Variants in CNTNAP5 observed in about 807,000 individuals in gnomAD.
CNTNAP5 encodes contactin-associated protein-like 5.
Under a neutral mutation model 150.2 loss-of-function variants are expected in CNTNAP5, and 72 were observed. The ratio of observed to expected loss-of-function variants is 0.48; its 90% CI spans 0.40 to 0.58. CNTNAP5 has a LOEUF of 0.58. Among genes scored for constraint, CNTNAP5 ranks in the 20% least tolerant of loss-of-function variants. The pLI is 0.00. For synonymous variants in CNTNAP5, 672 were observed against 619.8 expected, an observed-to-expected ratio of 1.08 and a Z score of -1.25; for missense variants, 1,636 against 1,626.2, an observed-to-expected ratio of 1.01 and a Z score of -0.10.
intron 3 of CNTNAP5, among the ~76,000 whole-genome samples, chr2:124,388,968 C>T (rs1415072900): frequency 6.6e-6 from 1 of 152,190 alleles, no homozygotes. Flanking sequence ...AAAGACTTAA[C>T]AGGGTTCATT....
At chr2:124,909,345 G>A (rs1678606215) in intron 22 of CNTNAP5, among the ~76,000 whole-genome samples, 1 of 152,132 alleles carries the variant, frequency 6.6e-6, no homozygotes, top group Non-Finnish European at 1.5e-5. Context: ...TGTAGCCTGG[G>A]GGCAATAGTC....
chr2:124,048,935 T>C (rs1442763670), intron 1 of CNTNAP5, among the ~76,000 whole-genome samples: 1 of 152,230 alleles, frequency 6.6e-6, no homozygotes, highest in East Asian at 1.9e-4. Flanking sequence ...TTAGGTTACA[T>C]CAAATGCAAG....
chr2:124,138,665 A>T (rs1684032463), intron 1 of CNTNAP5, among the ~76,000 whole-genome samples: 1 of 152,184 alleles, frequency 6.6e-6, no homozygotes, highest in Admixed American at 6.5e-5. Context: ...GCAAAGCCAA[A>T]TTGGAGAATT....
chr2:124,490,259 G>A (rs919546181), intron 7 of CNTNAP5, among the ~76,000 whole-genome samples: 1 of 151,568 alleles, frequency 6.6e-6, no homozygotes, highest in African/African-American at 2.4e-5. Context: ...GCTTGAACCA[G>A]GGAGGTGGAG....
chr2:124,395,364 C>A (rs1443636777), intron 3 of CNTNAP5, among the ~76,000 whole-genome samples: 2 of 152,102 alleles, frequency 1.3e-5, no homozygotes, highest in African/African-American at 4.8e-5. Context: ...GAGTCCACTG[C>A]GGGCAACTTA....
At chr2:124,124,329 G>A (rs1683635321) in intron 1 of CNTNAP5, among the ~76,000 whole-genome samples, 1 of 152,086 alleles carries the variant, frequency 6.6e-6, no homozygotes, top group Non-Finnish European at 1.5e-5. Context: ...AAGATCAAAT[G>A]AATGAAATGA....
Position 124,858,223 on chromosome 2 carries a change from G to A in CNTNAP5, c.3218-7083G>A, listed in dbSNP as rs372232774. Among the ~76,000 whole-genome samples the A allele has an allele frequency of 9.9e-4, 151 of 152,222 alleles. 1 individual carries two copies. Among genetic ancestry groups the A allele is most frequent in the African/African-American group, 3.5e-3 (144 of 41,548 alleles). Reference sequence around the variant, plus strand: ...TGGCCAGGGCAATCAGGCAGGAGAAGGAAATAAAGGGTATTCAATTAGGAA... The same window carrying A: ...TGGCCAGGGCAATCAGGCAGGAGAAAGAAATAAAGGGTATTCAATTAGGAA... On this transcript the variant is annotated intron_variant, in intron 19 of 23. Coordinates refer to ENST00000682447, the MANE Select transcript of CNTNAP5 (RefSeq NM_001367498.1).
At chr2:124,789,851 T>C (rs1681683969) in intron 17 of CNTNAP5, 51 bp from the exon 18 acceptor site, 1 of 1,568,730 alleles carries the variant, frequency 6.4e-7, no homozygotes, top group South Asian at 1.2e-5. Flanking sequence ...AACCTAAATG[T>C]ATTGAGCCCT....
intron 2 of CNTNAP5, among the ~76,000 whole-genome samples, chr2:124,233,380 T>C (rs371913061): frequency 1.4e-4 from 22 of 152,272 alleles, no homozygotes; most frequent in African/African-American, 5.3e-4. Context: ...ATTCTGGCAG[T>C]AGAAACCTAT....
At chr2:124,115,163 G>A (rs17010868) in intron 1 of CNTNAP5, among the ~76,000 whole-genome samples, 3,860 of 151,632 alleles carry the variant, frequency 0.025, 180 homozygotes, top group African/African-American at 0.087. Context: ...TATTTTTTAA[G>A]GATGACATAT....
chr2:124,882,809 A>T (rs1209926650), intron 21 of CNTNAP5, among the ~76,000 whole-genome samples: 2 of 152,060 alleles, frequency 1.3e-5, no homozygotes, highest in Non-Finnish European at 2.9e-5. Context: ...GAGGCCTCAC[A>T]ATCATAGCAG....
At chr2:124,668,598 G>C (rs1269609444) in intron 13 of CNTNAP5, among the ~76,000 whole-genome samples, 1 of 152,006 alleles carries the variant, frequency 6.6e-6, no homozygotes. Flanking sequence ...GAATTCTCAA[G>C]GTATGAAACA....
At chr2:124,839,692 T>C (rs2104691013) in intron 19 of CNTNAP5, among the ~76,000 whole-genome samples, 1 of 152,224 alleles carries the variant, frequency 6.6e-6, no homozygotes, top group Non-Finnish European at 1.5e-5. Flanking sequence ...TTCTGCCTTA[T>C]AAACCAAAAC....
At chr2:124,453,912 A>T (rs1334698932) in intron 6 of CNTNAP5, among the ~76,000 whole-genome samples, 4 of 152,154 alleles carry the variant, frequency 2.6e-5, no homozygotes, top group African/African-American at 9.6e-5. Flanking sequence ...TCCTGGAAAC[A>T]CATAAAAAAA....
intron 18 of CNTNAP5, among the ~76,000 whole-genome samples, chr2:124,793,672 A>G (rs1681784662): frequency 6.6e-6 from 1 of 152,162 alleles, no homozygotes; most frequent in African/African-American, 2.4e-5. Context: ...TCTTTGATGC[A>G]TTATGAGTGA....
chr2:124,214,519 T>C (rs1686107084), intron 1 of CNTNAP5, among the ~76,000 whole-genome samples: 1 of 152,174 alleles, frequency 6.6e-6, no homozygotes, highest in Admixed American at 6.5e-5. Flanking sequence ...TTTTGACACC[T>C]AGTATGTGCT....
At chr2:124,680,671 G>T (rs1350061234) in intron 13 of CNTNAP5, 1 of 151,696 alleles carries the variant, frequency 6.6e-6, no homozygotes, top group Non-Finnish European at 1.5e-5. Context: ...ATAAATTTTT[G>T]TTGGAAATTG....
rs187687605 is a variant in CNTNAP5 at position 124,401,158 on chromosome 2, G to A, written c.382-16285G>A. Among the ~76,000 whole-genome samples the A allele has an allele frequency of 1.3e-3, 193 of 152,266 alleles. 1 individual carries two copies. The highest frequency in any genetic ancestry group is 4.4e-3 in the African/African-American group (184 of 41,544). ...TGGGATTACAGGTGTGAGCCATCGTGCCCAGCCAATTATCTCTTACACTTA... is the reference window on the plus strand; with the variant it reads ...TGGGATTACAGGTGTGAGCCATCGTACCCAGCCAATTATCTCTTACACTTA... On this transcript the variant is annotated intron_variant, in intron 3 of 23. Coordinates refer to ENST00000682447, the MANE Select transcript of CNTNAP5 (RefSeq NM_001367498.1).
chr2:124,741,710 G>T (rs547490618), intron 13 of CNTNAP5, among the ~76,000 whole-genome samples: 1 of 152,094 alleles, frequency 6.6e-6, no homozygotes, highest in Non-Finnish European at 1.5e-5. Context: ...CCCTAGACTT[G>T]ATCTGCTGGA....
Sources: allele counts gnomAD v4.1 joint callset (sites outside exome capture counted in the v4.1 genomes callset), GRCh38; gene constraint gnomAD v4.1.1; transcripts MANE v1.5; gene names NCBI Gene and HGNC (gene_info 2026-07-23, HGNC 2026-07-21).